Variants in MAGI2 observed in about 807,000 individuals in gnomAD.
The protein encoded by MAGI2 is membrane-associated guanylate kinase, WW and PDZ domain-containing protein 2.
In MAGI2, 35 loss-of-function variants were observed where a neutral mutation model predicts 133.3. The observed-to-expected ratio is 0.26, with a 90% CI of 0.20 to 0.35. The LOEUF (loss-of-function observed/expected upper bound fraction) is 0.35, where lower values mean the gene tolerates loss of function less well. Ranked by LOEUF, MAGI2 falls within the 10% of genes least tolerant of loss-of-function variation. The probability of loss-of-function intolerance (pLI) is 1.00; values close to 1 mark genes in which losing one functional copy is unlikely to be tolerated. For missense variants in MAGI2, 1,636 were observed against 1,863.4 expected (o/e 0.88, Z 2.25); for synonymous variants, 729 against 710.6 (o/e 1.03, Z -0.41).
intron 1 of MAGI2, among the ~76,000 whole-genome samples, chr7:79,330,749 TTAAA>T (rs1840020514): frequency 6.6e-6 from 1 of 152,126 alleles, no homozygotes; most frequent in Admixed American, 6.6e-5. Flanking sequence ...GTTGTGAGGA[TTAAA>T]TTATACATAA....
chr7:78,026,942 C>T (rs967547775), intron 21 of MAGI2, among the ~76,000 whole-genome samples: 2 of 152,162 alleles, frequency 1.3e-5, no homozygotes, highest in African/African-American at 4.8e-5. Flanking sequence ...AGATGCCAGG[C>T]ACTCTTTGAA....
At chr7:78,560,440 T>A (rs1269061220) in intron 3 of MAGI2, among the ~76,000 whole-genome samples, 1 of 152,096 alleles carries the variant, frequency 6.6e-6, no homozygotes, top group African/African-American at 2.4e-5. Flanking sequence ...TAAAATAGCA[T>A]GGAAAAATGT....
intron 2 of MAGI2, among the ~76,000 whole-genome samples, chr7:78,970,680 C>T (rs1803711450): frequency 6.6e-6 from 1 of 152,006 alleles, no homozygotes; most frequent in African/African-American, 2.4e-5. Flanking sequence ...AGAGCTAATT[C>T]ATCCTGGCTG....
intron 1 of MAGI2, among the ~76,000 whole-genome samples, chr7:79,420,058 T>G (rs532504747): frequency 6.6e-6 from 1 of 152,182 alleles, no homozygotes; most frequent in South Asian, 2.1e-4. Context: ...ACAGCTTTGA[T>G]TTCTTTGCTG....
At chr7:78,685,579 ACAAC>A (rs34275546) in intron 2 of MAGI2, among the ~76,000 whole-genome samples, 57,388 of 151,456 alleles carry the variant, frequency 0.38, 11,025 homozygotes, top group Middle Eastern at 0.41. Flanking sequence ...TTTTGCTTAA[ACAAC>A]CAACAAAAAA....
At chr7:78,023,321 G>A (rs1412875773) in intron 21 of MAGI2, among the ~76,000 whole-genome samples, 3 of 152,232 alleles carry the variant, frequency 2.0e-5, no homozygotes, top group Non-Finnish European at 2.9e-5. Context: ...TCCTTCAGAC[G>A]ATGTTTTTCT....
At chr7:78,502,798 C>A (rs1410798562) in intron 4 of MAGI2, among the ~76,000 whole-genome samples, 1 of 152,060 alleles carries the variant, frequency 6.6e-6, no homozygotes, top group African/African-American at 2.4e-5. Context: ...AGGACAGACC[C>A]AAGATCCCCA....
At chr7:78,535,143 GAAAAT>G (rs1189688184) in intron 3 of MAGI2, among the ~76,000 whole-genome samples, 1 of 151,706 alleles carries the variant, frequency 6.6e-6, no homozygotes, top group Non-Finnish European at 1.5e-5. Flanking sequence ...AAAAAGAAAA[GAAAAT>G]AAAAAAATGA....
At chr7:78,348,451 T>C (rs1055982920) in intron 7 of MAGI2, 3 of 152,180 alleles carry the variant, frequency 2.0e-5, no homozygotes, top group Non-Finnish European at 4.4e-5. Context: ...ATTACTATTA[T>C]TGAAGTGTTG....
intron 2 of MAGI2, among the ~76,000 whole-genome samples, chr7:78,993,186 G>T (rs1224121313): frequency 6.6e-6 from 1 of 152,020 alleles, no homozygotes; most frequent in East Asian, 1.9e-4. Context: ...ACATTTCTTA[G>T]TAGCTTATAA....
chr7:78,509,811 C>T (rs113125234), intron 4 of MAGI2, among the ~76,000 whole-genome samples: 5 of 152,294 alleles, frequency 3.3e-5, no homozygotes. Context: ...TTTCATGTGA[C>T]ACAGTCTATG....
At chr7:79,271,578 T>A (rs1227084730) in intron 1 of MAGI2, among the ~76,000 whole-genome samples, 1 of 151,960 alleles carries the variant, frequency 6.6e-6, no homozygotes, top group East Asian at 1.9e-4. Flanking sequence ...CTTAGAGAAG[T>A]TTTTTAAATG....
At chr7:78,327,412 A>G (rs1035397276) in intron 9 of MAGI2, among the ~76,000 whole-genome samples, 1 of 152,208 alleles carries the variant, frequency 6.6e-6, no homozygotes, top group Non-Finnish European at 1.5e-5. Flanking sequence ...CCTGATCTCC[A>G]TCTTCTCTTC....
intron 3 of MAGI2, among the ~76,000 whole-genome samples, chr7:78,537,186 C>CACAG (rs1563139772): frequency 6.6e-6 from 1 of 151,674 alleles, no homozygotes; most frequent in African/African-American, 2.4e-5. Flanking sequence ...CACACACACA[C>CACAG]ACACACACAC....
intron 2 of MAGI2, among the ~76,000 whole-genome samples, chr7:78,978,149 T>C (rs892547073): frequency 6.6e-6 from 1 of 151,764 alleles, no homozygotes; most frequent in African/African-American, 2.4e-5. Flanking sequence ...ACTATATAAT[T>C]TGGCAATTGG....
intron 2 of MAGI2, among the ~76,000 whole-genome samples, chr7:78,722,616 A>G (rs570443589): frequency 1.3e-5 from 2 of 152,246 alleles, no homozygotes; most frequent in East Asian, 3.9e-4. Flanking sequence ...TTTCAGGCAC[A>G]ATACCACAAT....
chr7:78,283,036 T>C (rs557794633), intron 9 of MAGI2, among the ~76,000 whole-genome samples: 1 of 152,208 alleles, frequency 6.6e-6, no homozygotes, highest in Non-Finnish European at 1.5e-5. Context: ...ATTGCTTTTA[T>C]TATTATTTTA....
Position 78,386,421 on chromosome 7 carries a change from C to G in MAGI2, c.1046-17208G>C, listed in dbSNP as rs1005275547. On this transcript the variant is annotated intron_variant, in intron 6 of 21. Coordinates refer to ENST00000354212, the MANE Select transcript of MAGI2 (RefSeq NM_012301.4). ...TGCAAAATATAAAGGGACCTGGAATCGAAAACATGATGCCTGCTGTTCCTG... is the reference window on the plus strand; with the variant it reads ...TGCAAAATATAAAGGGACCTGGAATGGAAAACATGATGCCTGCTGTTCCTG... Among the ~76,000 whole-genome samples the G allele has an allele frequency of 5.3e-5, 8 of 152,126 alleles. No homozygotes were observed. In the South Asian group the frequency reaches 1.7e-3, roughly 32 times the overall value.
At chr7:78,563,508 G>A (rs995105052) in intron 3 of MAGI2, among the ~76,000 whole-genome samples, 1 of 152,134 alleles carries the variant, frequency 6.6e-6, no homozygotes, top group African/African-American at 2.4e-5. Context: ...AACGACAGAC[G>A]AGAGCCACTC....
Sources: allele counts gnomAD v4.1 joint callset (sites outside exome capture counted in the v4.1 genomes callset), GRCh38; gene constraint gnomAD v4.1.1; transcripts MANE v1.5; gene names NCBI Gene and HGNC (gene_info 2026-07-23, HGNC 2026-07-21).